The following C3orf33 variants were observed in gnomAD, a reference collection of about 807,000 sequenced individuals.
C3orf33 encodes the protein mitochondrial inner membrane subdomain organizer 1, also known as AP-1 activity suppressor.
C3orf33 carries 23 observed loss-of-function variants against 28.7 expected under a neutral mutation model. The observed-to-expected ratio is 0.80, with a 90% CI of 0.58 to 1.13. The LOEUF is 1.13. C3orf33 is among the 50% of genes most tolerant of loss of function. The pLI is 0.00. For missense variants in C3orf33, 327 were observed against 353.4 expected (o/e 0.93, Z 0.60); for synonymous variants, 119 against 120.5 (o/e 0.99, Z 0.08).
At chr3:155,805,537 T>C (rs1192569123) in intron 1 of C3orf33, 4 of 449,726 alleles carry the variant, frequency 8.9e-6, no homozygotes, top group African/African-American at 2.0e-5. Flanking sequence ...CTGGACAACA[T>C]AGCAAGACTC....
intron 4 of C3orf33, among the ~76,000 whole-genome samples, chr3:155,765,439 C>T (rs1229965928): frequency 1.3e-5 from 2 of 152,018 alleles, no homozygotes; most frequent in Non-Finnish European, 2.9e-5. Flanking sequence ...TAATCATCTC[C>T]TTTTTTTTGG....
intron 4 of C3orf33, among the ~76,000 whole-genome samples, chr3:155,767,135 C>T (rs1283806524): frequency 6.6e-6 from 1 of 151,880 alleles, no homozygotes; most frequent in Non-Finnish European, 1.5e-5. Flanking sequence ...CATGTGTAGT[C>T]CCAGCTACTC....
At chr3:155,805,698 T>C in intron 1 of C3orf33, 1 of 455,690 alleles carries the variant, frequency 2.2e-6, no homozygotes, top group Non-Finnish European at 4.4e-6. Flanking sequence ...GCACTCCAGC[T>C]TGGGCCAGAG....
Position 155,802,689 on chromosome 3 carries a change from A to G in C3orf33, c.115-98T>C, listed in dbSNP as rs1237142526. 4 of 857,118 alleles carry G rather than the reference A, an allele frequency of 4.7e-6. No homozygotes were observed. The Admixed American group carries it at 1.0e-4, about 22-fold the overall frequency. The allele number at this position is 857,118 out of a possible 1,614,324, so 53.1% of individuals were successfully genotyped here. ...AGAAAAAAAGAAGACTGTCCTCTCT[A>G]TATCTAATGTGTATAAACAATGTAT... On this transcript the variant is annotated intron_variant, in intron 1 of 4. Transcript: ENST00000340171.
At chr3:155,772,772 C>CTGTGTGTGTGTGTGTG (rs60966459) in intron 3 of C3orf33, among the ~76,000 whole-genome samples, 93 of 142,216 alleles carry the variant, frequency 6.5e-4, no homozygotes, top group Non-Finnish European at 1.0e-3. Flanking sequence ...TTTTTAGGCT[C>CTGTGTGTGTGTGTGTG]TGTGTGTGTG....
intron 2 of C3orf33, among the ~76,000 whole-genome samples, chr3:155,785,371 A>G (rs1226763593): frequency 6.6e-6 from 1 of 152,150 alleles, no homozygotes; most frequent in Non-Finnish European, 1.5e-5. Context: ...ACAAACATAT[A>G]CAGAATACTC....
intron 1 of C3orf33, among the ~76,000 whole-genome samples, chr3:155,803,580 A>G (rs1304252378): frequency 6.9e-6 from 1 of 144,000 alleles, no homozygotes; most frequent in African/African-American, 2.6e-5. Flanking sequence ...AAAAAAAAAA[A>G]AAAAAGAAAT....
At chr3:155,795,132 A>G (rs1278281695) in intron 2 of C3orf33, among the ~76,000 whole-genome samples, 1 of 152,228 alleles carries the variant, frequency 6.6e-6, no homozygotes, top group Non-Finnish European at 1.5e-5. Flanking sequence ...TCTCAAGGAT[A>G]GACTATATGT....
intron 1 of C3orf33, 40 bp downstream of exon 1, chr3:155,806,099 C>G: frequency 7.5e-7 from 1 of 1,337,954 alleles, no homozygotes; most frequent in Non-Finnish European, 9.8e-7. Context: ...TCTGTGCCGC[C>G]CCGCGCCCAC....
intron 3 of C3orf33, among the ~76,000 whole-genome samples, 179 bp from the exon 4 acceptor site, chr3:155,767,848 T>C (rs1750461965): frequency 1.3e-5 from 2 of 152,218 alleles, no homozygotes; most frequent in African/African-American, 4.8e-5. Flanking sequence ...AATACAAGTA[T>C]ATATAACACA....
intron 2 of C3orf33, among the ~76,000 whole-genome samples, chr3:155,797,135 G>A (rs999054012): frequency 1.3e-5 from 2 of 152,128 alleles, no homozygotes; most frequent in South Asian, 4.1e-4. Context: ...GCAGTAGCCG[G>A]GGTCACACCA....
At position 155,800,610 on chromosome 3, in the gene C3orf33, C is replaced by CAAAAAAAAAAA; in HGVS notation, c.174+1911_174+1921dup. Reference sequence around the variant, plus strand: ...GGTCAACAGAGTGAGACCTTATCTCCAAAAAAAAAAAAAAAAAAAAAAAAA... The same window carrying CAAAAAAAAAAA: ...GGTCAACAGAGTGAGACCTTATCTCCAAAAAAAAAAAAAAAAAAAAAAAAAAAAAAAAAAAA... On this transcript the variant is annotated intron_variant, in intron 2 of 4. Coordinates refer to ENST00000340171, the MANE Select transcript of C3orf33 (RefSeq NM_001308229.2). Among the ~76,000 whole-genome samples the CAAAAAAAAAAA allele has an allele frequency of 6.2e-3, 97 of 15,634 alleles. 17 individuals are homozygous for CAAAAAAAAAAA. The highest frequency in any genetic ancestry group is 9.0e-3 in the Non-Finnish European group (73 of 8,112). The allele number at this position is 15,634 out of a possible 152,430, so 10.3% of individuals were successfully genotyped here. A position where few individuals can be genotyped will look rare whatever the true frequency, so the allele number is the denominator to read the frequency against.
chr3:155,786,377 A>T (rs1258674398), intron 2 of C3orf33, among the ~76,000 whole-genome samples: 1 of 152,168 alleles, frequency 6.6e-6, no homozygotes, highest in Non-Finnish European at 1.5e-5. Context: ...TAAATGGACT[A>T]AAAAAAGAGA....
At chr3:155,792,371 C>T (rs1751341023) in intron 2 of C3orf33, among the ~76,000 whole-genome samples, 1 of 152,122 alleles carries the variant, frequency 6.6e-6, no homozygotes, top group African/African-American at 2.4e-5. Context: ...GACAGGTCCA[C>T]ACAAATCCAG....
intron 3 of C3orf33, among the ~76,000 whole-genome samples, chr3:155,772,028 A>T (rs923670439): frequency 2.6e-5 from 4 of 151,608 alleles, no homozygotes; most frequent in Non-Finnish European, 4.4e-5. Context: ...ACACAGCAAG[A>T]CCCCCTTTCT....
intron 2 of C3orf33, among the ~76,000 whole-genome samples, chr3:155,785,547 A>G (rs1751075253): frequency 6.6e-6 from 1 of 152,328 alleles, no homozygotes; most frequent in South Asian, 2.1e-4. Flanking sequence ...AATAAATAAC[A>G]GAAGAAAAAA....
At chr3:155,805,620 G>T (rs1239564570) in intron 1 of C3orf33, 4 of 454,412 alleles carry the variant, frequency 8.8e-6, no homozygotes, top group Non-Finnish European at 1.8e-5. Flanking sequence ...TACTCGGGAG[G>T]CTGAAGTGGG....
chr3:155,793,183 G>T, intron 2 of C3orf33, among the ~76,000 whole-genome samples: 1 of 149,826 alleles, frequency 6.7e-6, no homozygotes, highest in Non-Finnish European at 1.5e-5. Flanking sequence ...GGCATAAAGT[G>T]CTGAAGAAAA....
chr3:155,771,553 C>A (rs563298481), intron 3 of C3orf33, among the ~76,000 whole-genome samples: 16 of 152,240 alleles, frequency 1.1e-4, no homozygotes, highest in Non-Finnish European at 1.6e-4. Flanking sequence ...AGGTATGAGC[C>A]ATTGCTAATT....
Sources: allele counts gnomAD v4.1 joint callset (sites outside exome capture counted in the v4.1 genomes callset), GRCh38; gene constraint gnomAD v4.1.1; transcripts MANE v1.5; gene names NCBI Gene and HGNC (gene_info 2026-07-23, HGNC 2026-07-21).